The following CACNA1C variants were observed in gnomAD, a reference collection of about 807,000 sequenced individuals.
The protein encoded by CACNA1C is voltage-dependent L-type calcium channel subunit alpha-1C.
A neutral mutation model predicts 229.0 loss-of-function variants in CACNA1C; 30 were observed. The observed-to-expected ratio is 0.13, with a 90% CI of 0.10 to 0.18. The LOEUF (loss-of-function observed/expected upper bound fraction) is 0.18, where lower values mean the gene tolerates loss of function less well. Ranked by LOEUF, CACNA1C falls within the 10% of genes least tolerant of loss-of-function variation. The probability of loss-of-function intolerance (pLI) is 1.00; values close to 1 mark genes in which losing one functional copy is unlikely to be tolerated. For missense variants in CACNA1C, 1,658 were observed against 2,845.0 expected (o/e 0.58, Z 9.49); for synonymous variants, 1,114 against 1,132.5 (o/e 0.98, Z 0.33).
chr12:2,078,222 T>C (rs1314593821), intron 1 of CACNA1C, among the ~76,000 whole-genome samples: 1 of 152,216 alleles, frequency 6.6e-6, no homozygotes, highest in African/African-American at 2.4e-5. Flanking sequence ...GGTGGCCATC[T>C]GCAAGCCAAA....
At chr12:2,357,660 T>TC (rs1372099675) in intron 3 of CACNA1C, among the ~76,000 whole-genome samples, 1 of 130,840 alleles carries the variant, frequency 7.6e-6, no homozygotes, top group Non-Finnish European at 1.6e-5. Context: ...GGGTTTTTTT[T>TC]CCTTAAAAAA....
At chr12:2,394,109 CAAAAA>C (rs60498219) in intron 3 of CACNA1C, among the ~76,000 whole-genome samples, 1 of 113,264 alleles carries the variant, frequency 8.8e-6, no homozygotes, top group Non-Finnish European at 1.9e-5. Flanking sequence ...TGTCTCTAAA[CAAAAA>C]AAAAAAAAAA....
intron 1 of CACNA1C, among the ~76,000 whole-genome samples, chr12:2,072,709 C>T (rs766772544): frequency 1.3e-5 from 2 of 152,046 alleles, no homozygotes; most frequent in Non-Finnish European, 2.9e-5. Context: ...ATTTTTGGTA[C>T]ATTAGGTATC....
intron 39 of CACNA1C, 42 bp downstream of exon 39, chr12:2,674,684 C>T (rs1232015122): frequency 9.3e-6 from 14 of 1,512,734 alleles, no homozygotes; most frequent in African/African-American, 1.4e-5. Context: ...CACTGCCTGG[C>T]CGTGCCCCCC....
chr12:2,056,727 C>G (rs1017780614), intron 1 of CACNA1C, among the ~76,000 whole-genome samples: 13 of 152,122 alleles, frequency 8.5e-5, no homozygotes, highest in African/African-American at 3.1e-4. Context: ...CTTGATCCTG[C>G]ATGGAGAAAA....
chr12:2,168,368 A>T (rs577247831), intron 3 of CACNA1C, among the ~76,000 whole-genome samples: 1 of 152,302 alleles, frequency 6.6e-6, no homozygotes, highest in East Asian at 1.9e-4. Flanking sequence ...GAACTAGATG[A>T]TCATTAATGT....
intron 3 of CACNA1C, among the ~76,000 whole-genome samples, chr12:2,317,318 A>G (rs1356623046): frequency 6.6e-6 from 1 of 152,238 alleles, no homozygotes; most frequent in African/African-American, 2.4e-5. Context: ...GCAAGCTTTA[A>G]AAAGGAATGA....
intron 1 of CACNA1C, among the ~76,000 whole-genome samples, chr12:2,081,554 G>A (rs1041209001): frequency 6.1e-5 from 9 of 147,498 alleles, no homozygotes; most frequent in African/African-American, 2.3e-4. Flanking sequence ...CTGGGCGACA[G>A]AGCGAGACTC....
At chr12:2,495,547 C>A in intron 7 of CACNA1C, among the ~76,000 whole-genome samples, 1 of 152,230 alleles carries the variant, frequency 6.6e-6, no homozygotes, top group East Asian at 1.9e-4. Flanking sequence ...GATGCCCCAC[C>A]AGCCAGATGT....
chr12:2,042,733 C>T (rs1022199277), intron 1 of CACNA1C, among the ~76,000 whole-genome samples: 5 of 152,142 alleles, frequency 3.3e-5, no homozygotes, highest in African/African-American at 9.7e-5. Flanking sequence ...GGCTCTGCCC[C>T]GGGTTGTCCT....
At chr12:2,360,392 G>A (rs11062201) in intron 3 of CACNA1C, among the ~76,000 whole-genome samples, 21,412 of 152,118 alleles carry the variant, frequency 0.14, 1,962 homozygotes, top group Non-Finnish European at 0.19. Flanking sequence ...TCCCTGCTGG[G>A]TCACTTGGAA....
At chr12:2,402,729 G>A (rs537315897) in intron 3 of CACNA1C, among the ~76,000 whole-genome samples, 44 of 152,094 alleles carry the variant, frequency 2.9e-4, no homozygotes, top group Non-Finnish European at 5.1e-4. Context: ...TTCATCCTCC[G>A]AACCAGACTT....
chr12:1,971,290 T>C lies in CACNA1C; in HGVS notation c.139+89T>C, dbSNP rs1004225625. 1.4e-6 allele frequency: 1 copy of C among 722,098 alleles called. No homozygotes were observed. Among genetic ancestry groups the C allele is most frequent in the Admixed American group, 2.8e-5 (1 of 36,092 alleles). 44.7% of individuals were successfully genotyped at this position (722,098 alleles called of 1,614,324 possible). A position where few individuals can be genotyped will look rare whatever the true frequency, so the allele number is the denominator to read the frequency against. On this transcript the variant is annotated intron_variant, in intron 1 of 46. Coordinates refer to the CACNA1C transcript ENST00000682462. This position sits in a 1 kb window ranked among gnomAD's most constrained non-coding sequence, Gnocchi z 4.2. ...TAATGATACCTAGAATGTGACTTCC[T>C]CACTCTAAGAACTCATCTCTCCATA...
At chr12:2,230,276 G>C (rs944608384) in intron 3 of CACNA1C, among the ~76,000 whole-genome samples, 4 of 152,212 alleles carry the variant, frequency 2.6e-5, no homozygotes, top group Non-Finnish European at 4.4e-5. Flanking sequence ...GGGTGTACGT[G>C]GGGACGGCGC....
At chr12:2,082,609 T>C (rs1643299892) in intron 1 of CACNA1C, among the ~76,000 whole-genome samples, 1 of 152,198 alleles carries the variant, frequency 6.6e-6, no homozygotes, top group African/African-American at 2.4e-5. Context: ...AGGATGCTCC[T>C]GGCACCTTGA....
At chr12:2,427,270 G>A (rs2099041322) in intron 3 of CACNA1C, among the ~76,000 whole-genome samples, 1 of 152,164 alleles carries the variant, frequency 6.6e-6, no homozygotes, top group African/African-American at 2.4e-5. Context: ...ACGGGGATGG[G>A]GATGGTAGTG....
chr12:2,199,657 T>C (rs1242034672), intron 3 of CACNA1C, among the ~76,000 whole-genome samples: 1 of 152,096 alleles, frequency 6.6e-6, no homozygotes, highest in Non-Finnish European at 1.5e-5. Flanking sequence ...CCACATTGTT[T>C]AGGGGCAAAC....
intron 10 of CACNA1C, among the ~76,000 whole-genome samples, chr12:2,552,530 G>A (rs1260301315): frequency 6.6e-6 from 1 of 152,132 alleles, no homozygotes; most frequent in Admixed American, 6.5e-5. Context: ...AGTCACTGAA[G>A]GGCATTCAGA....
Position 2,605,863 on chromosome 12 carries a change from A to G in CACNA1C, c.3156+77A>G, listed in dbSNP as rs557555623. 1.6e-5 allele frequency: 16 copies of G among 993,324 alleles called. No homozygotes were observed. Among genetic ancestry groups the G allele is most frequent in the Middle Eastern group, 2.1e-4 (1 of 4,828 alleles). The allele number at this position is 993,324 out of a possible 1,614,324, so 61.5% of individuals were successfully genotyped here. On this transcript the variant is annotated intron_variant, in intron 24 of 46. Coordinates refer to ENST00000399655, the MANE Select transcript of CACNA1C (RefSeq NM_000719.7). The surrounding 1 kb of genome is among the most constrained non-coding windows in gnomAD (Gnocchi z 6.2). ...CCTGGGGAAGGGAACTGGCAGATAT[A>G]GTACAAACGAGACAGTGTCCTGAGC...
Sources: gnomAD v4.1 joint callset for allele counts (sites outside exome capture counted in the v4.1 genomes callset) on GRCh38, gnomAD v4.1.1 for gene constraint, Gnocchi (gnomAD v3.1) non-coding constraint, MANE v1.5 for transcripts, NCBI Gene and HGNC (gene_info 2026-07-23, HGNC 2026-07-21) for gene names.